Variants in ASTN1 observed in about 807,000 individuals in gnomAD.
ASTN1 encodes the protein astrotactin-1.
Under a neutral mutation model 140.7 loss-of-function variants are expected in ASTN1, and 41 were observed. The observed-to-expected ratio is 0.29, with a 90% CI of 0.23 to 0.38. The LOEUF is 0.38. ASTN1 is among the 10% of genes least tolerant of loss of function. The probability of loss-of-function intolerance (pLI) is 1.00; values close to 1 mark genes in which losing one functional copy is unlikely to be tolerated. For missense variants in ASTN1, 1,479 were observed against 1,678.8 expected, an observed-to-expected ratio of 0.88 and a Z score of 2.08; for synonymous variants, 640 against 652.2, an observed-to-expected ratio of 0.98 and a Z score of 0.29.
intron 1 of ASTN1, among the ~76,000 whole-genome samples, chr1:177,083,105 G>A (rs1173560017): frequency 6.6e-6 from 1 of 152,000 alleles, no homozygotes; most frequent in African/African-American, 2.4e-5. Flanking sequence ...TTATTTTCAT[G>A]GCTGCATTAC....
chr1:177,054,193 C>T lies in ASTN1; in HGVS notation c.471+6885G>A, dbSNP rs537597036. Among the ~76,000 whole-genome samples the T allele has an allele frequency of 2.6e-5, 4 of 152,298 alleles. 1 individual carries two copies. Among genetic ancestry groups the T allele is most frequent in the East Asian group, 1.9e-4 (1 of 5,190 alleles). On this transcript the variant is annotated intron_variant, in intron 2 of 22. Coordinates refer to ENST00000361833, the MANE Select transcript of ASTN1 (RefSeq NM_004319.3). ...TTTACTTTTAGATAAATCACATAGC[C>T]TGTTATGCTCAGTCCCCTTGTCTGC...
At chr1:176,959,348 A>G (rs1010090460) in intron 9 of ASTN1, among the ~76,000 whole-genome samples, 36 of 152,014 alleles carry the variant, frequency 2.4e-4, no homozygotes, top group Admixed American at 2.6e-4. Context: ...GGGAGGAACA[A>G]TGGAAGGATG....
intron 7 of ASTN1, among the ~76,000 whole-genome samples, chr1:177,022,808 G>A (rs1188485570): frequency 3.3e-5 from 5 of 152,080 alleles, no homozygotes; most frequent in South Asian, 2.1e-4. Context: ...GACATACAAC[G>A]GAATACCAAA....
chr1:176,999,949 C>T (rs900479494), intron 8 of ASTN1, among the ~76,000 whole-genome samples: 1 of 152,034 alleles, frequency 6.6e-6, no homozygotes, highest in Non-Finnish European at 1.5e-5. Flanking sequence ...GTATAAATTA[C>T]CCATGCTCAG....
chr1:177,035,212 T>G (rs1438786135), intron 2 of ASTN1, among the ~76,000 whole-genome samples: 1 of 152,212 alleles, frequency 6.6e-6, no homozygotes, highest in Admixed American at 6.5e-5. Context: ...GGAGTGGGAC[T>G]GGAATGAGAC....
intron 16 of ASTN1, among the ~76,000 whole-genome samples, chr1:176,918,768 T>C (rs1670600671): frequency 6.6e-6 from 1 of 152,128 alleles, no homozygotes; most frequent in South Asian, 2.1e-4. Context: ...AGAACAAAAA[T>C]CTAAGTGGTG....
At position 177,014,962 on chromosome 1, in the gene ASTN1, C is replaced by T. The variant is rs529114182; in HGVS notation, c.1439-87G>A. On this transcript the variant is annotated intron_variant, in intron 7 of 22. Transcript: ENST00000361833. ...TTTGTAAAAATTAACATGAAATAGT[C>T]AGGGTAAACTCTTACTCTGATATTA... The T allele has an allele frequency of 4.4e-5, 54 of 1,237,714 alleles. 1 individual carries two copies. In the South Asian group the frequency reaches 6.6e-4, roughly 15 times the overall value. The allele number at this position is 1,237,714 out of a possible 1,614,324, so 76.7% of individuals were successfully genotyped here.
chr1:176,952,318 A>C (rs1672227044), intron 11 of ASTN1, among the ~76,000 whole-genome samples: 1 of 151,844 alleles, frequency 6.6e-6, no homozygotes, highest in African/African-American at 2.4e-5. Context: ...CACACACATG[A>C]AGTACCAAAA....
chr1:176,948,690 C>T (rs1394501980), intron 12 of ASTN1, among the ~76,000 whole-genome samples: 1 of 152,154 alleles, frequency 6.6e-6, no homozygotes, highest in East Asian at 1.9e-4. Context: ...ATCACTGTGC[C>T]TCAGGAGGAG....
chr1:177,018,976 T>G (rs566850755), intron 7 of ASTN1, among the ~76,000 whole-genome samples: 1 of 152,258 alleles, frequency 6.6e-6, no homozygotes, highest in South Asian at 2.1e-4. Flanking sequence ...CAGGGTGCAG[T>G]TGGCAAAGGG....
downstream of ASTN1, chr1:176,857,614 T>C (rs1667851505): frequency 3.2e-6 from 2 of 618,526 alleles, no homozygotes; most frequent in South Asian, 4.0e-5. Context: ...CCTCCAATCA[T>C]CTACAACTCC....
At chr1:177,013,242 C>T (rs957868840) in intron 8 of ASTN1, among the ~76,000 whole-genome samples, 2 of 152,132 alleles carry the variant, frequency 1.3e-5, no homozygotes, top group African/African-American at 2.4e-5. Context: ...TTCATTTTCA[C>T]GAACAGAAAA....
intron 1 of ASTN1, among the ~76,000 whole-genome samples, chr1:177,113,700 C>A (rs1680931249): frequency 6.6e-6 from 1 of 152,148 alleles, no homozygotes; most frequent in Non-Finnish European, 1.5e-5. Context: ...AGTTTTGGGG[C>A]CCTCCGAACC....
At chr1:176,957,182 G>T (rs1051842307) in intron 11 of ASTN1, among the ~76,000 whole-genome samples, 1 of 152,178 alleles carries the variant, frequency 6.6e-6, no homozygotes, top group East Asian at 1.9e-4. Flanking sequence ...GGGATTACAG[G>T]TGTGAGTCAG....
chr1:176,936,491 T>C (rs556154548), intron 14 of ASTN1, 121 bp from the exon 15 acceptor site: 5 of 745,286 alleles, frequency 6.7e-6, no homozygotes, highest in South Asian at 5.4e-5. Flanking sequence ...TAAATGTTCT[T>C]TGATGAAGAG....
intron 16 of ASTN1, among the ~76,000 whole-genome samples, chr1:176,915,320 A>C (rs1375845555): frequency 6.6e-6 from 1 of 152,164 alleles, no homozygotes; most frequent in Non-Finnish European, 1.5e-5. Flanking sequence ...TTGCAGATGA[A>C]GAAACTAAGG....
At chr1:176,923,070 A>C (rs1410514087) in intron 16 of ASTN1, among the ~76,000 whole-genome samples, 1 of 152,184 alleles carries the variant, frequency 6.6e-6, no homozygotes, top group African/African-American at 2.4e-5. Flanking sequence ...CATTAAGTAA[A>C]TTTCTCAAGA....
rs1674396474 is a variant in ASTN1, at chr1:176,995,490, C to T, written c.1523+19301G>A. Among the ~76,000 whole-genome samples the T allele has an allele frequency of 4.6e-5, 7 of 152,198 alleles. No homozygotes were observed. In the South Asian group the frequency reaches 1.5e-3, roughly 32 times the overall value. ...GGCAGAGGGAGCAGAGTAGGAAAAGCCATTCTAGGCACAGCACACTCCTGA... is the reference window on the plus strand; with the variant it reads ...GGCAGAGGGAGCAGAGTAGGAAAAGTCATTCTAGGCACAGCACACTCCTGA... On this transcript the variant is annotated intron_variant, in intron 8 of 22. Transcript: ENST00000361833.
At chr1:176,894,239 C>T (rs777762424) in intron 17 of ASTN1, among the ~76,000 whole-genome samples, 3 of 152,128 alleles carry the variant, frequency 2.0e-5, no homozygotes, top group Non-Finnish European at 4.4e-5. Context: ...CACAACTGTC[C>T]CCAAGGCACG....
Sources: gnomAD v4.1 joint callset for allele counts (sites outside exome capture counted in the v4.1 genomes callset) on GRCh38, gnomAD v4.1.1 for gene constraint, MANE v1.5 for transcripts, NCBI Gene and HGNC (gene_info 2026-07-23, HGNC 2026-07-21) for gene names.